TENM3: variants seen among roughly 807,000 people sequenced by gnomAD.
The protein encoded by TENM3 is teneurin-3.
Under a neutral mutation model 255.1 loss-of-function variants are expected in TENM3, and 63 were observed. The ratio of observed to expected loss-of-function variants is 0.25; its 90% CI spans 0.20 to 0.30. The LOEUF is 0.30. Ranked by LOEUF, TENM3 falls within the 10% of genes least tolerant of loss-of-function variation. The pLI is 1.00. For synonymous variants in TENM3, 1,306 were observed against 1,322.3 expected (o/e 0.99, Z 0.27); for missense variants, 2,929 against 3,461.1 (o/e 0.85, Z 3.86).
the TENM3 span, among the ~76,000 whole-genome samples, chr4:181,958,561 T>C: frequency 6.6e-6 from 1 of 152,210 alleles, no homozygotes; most frequent in Admixed American, 6.5e-5. Flanking sequence ...TGTTTGAAGC[T>C]GGGCATGTTG....
At chr4:182,696,301 C>G (rs144007785) in intron 12 of TENM3, among the ~76,000 whole-genome samples, 2 of 152,154 alleles carry the variant, frequency 1.3e-5, no homozygotes, top group Non-Finnish European at 1.5e-5. Context: ...AATATAGACT[C>G]AATTATCTCT....
At chr4:182,523,344 T>G (rs990193484) in intron 3 of TENM3, among the ~76,000 whole-genome samples, 1 of 152,136 alleles carries the variant, frequency 6.6e-6, no homozygotes, top group Non-Finnish European at 1.5e-5. Flanking sequence ...ACTCACTGTT[T>G]CTCCTTTCTG....
the TENM3 span, among the ~76,000 whole-genome samples, chr4:182,009,351 G>A: frequency 2.0e-5 from 3 of 152,140 alleles, no homozygotes; most frequent in African/African-American, 4.8e-5. Flanking sequence ...CTGGTATGCA[G>A]AGACTGCTGC....
the TENM3 span, among the ~76,000 whole-genome samples, chr4:181,714,266 T>A: frequency 6.6e-6 from 1 of 151,826 alleles, no homozygotes; most frequent in Admixed American, 6.6e-5. Flanking sequence ...TAGGACCTCA[T>A]ATGTACAAAG....
intron 1 of TENM3, among the ~76,000 whole-genome samples, chr4:182,230,448 C>T (rs537461703): frequency 2.0e-5 from 3 of 152,164 alleles, no homozygotes; most frequent in Non-Finnish European, 2.9e-5. Flanking sequence ...TGAACCCTGG[C>T]GAACCTCTTG....
the TENM3 span, among the ~76,000 whole-genome samples, chr4:181,463,985 A>C: frequency 1.3e-5 from 2 of 151,730 alleles, no homozygotes; most frequent in Non-Finnish European, 2.9e-5. Context: ...AGTACTTTTT[A>C]CTCCTTTTAT....
chr4:181,609,365 C>T, the TENM3 span, among the ~76,000 whole-genome samples: 5 of 152,226 alleles, frequency 3.3e-5, no homozygotes, highest in African/African-American at 1.2e-4. Context: ...TTTTCCACAT[C>T]ACTCTGTAAG....
Position 182,384,941 on chromosome 4 carries a change from C to CA in TENM3, c.511+38013dup, listed in dbSNP as rs572999727. Among the ~76,000 whole-genome samples the CA allele has an allele frequency of 2.8e-3, 423 of 152,240 alleles. 4 individuals carry two copies. Among genetic ancestry groups the CA allele is most frequent in the African/African-American group, 9.9e-3 (413 of 41,560 alleles). ...AACAGTTTTACAGATTTTCTACTGA[C>CA]AGAGTTAGCAGTCTGGCCTCAGTGC... is the stretch of plus-strand genomic sequence containing the variant. On this transcript the variant is annotated intron_variant, in intron 3 of 27. Coordinates refer to ENST00000511685, the MANE Select transcript of TENM3 (RefSeq NM_001080477.4).
chr4:182,566,100 C>G (rs1743767263), intron 3 of TENM3, among the ~76,000 whole-genome samples: 2 of 152,180 alleles, frequency 1.3e-5, no homozygotes, highest in Admixed American at 1.3e-4. Flanking sequence ...AGAACCTCTG[C>G]TACCAATTAT....
chr4:181,638,454 A>G, the TENM3 span, among the ~76,000 whole-genome samples: 303 of 152,344 alleles, frequency 2.0e-3, no homozygotes, highest in Non-Finnish European at 2.5e-3. Context: ...TATAAAAATT[A>G]TTAATGTCAA....
chr4:182,235,205 T>A (rs894009172), intron 1 of TENM3, among the ~76,000 whole-genome samples: 1 of 152,334 alleles, frequency 6.6e-6, no homozygotes, highest in Middle Eastern at 3.4e-3. Context: ...GTGCTTCTTA[T>A]AGCTCTGAAA....
chr4:182,355,205 G>A (rs1049238504), intron 3 of TENM3, among the ~76,000 whole-genome samples: 5 of 152,244 alleles, frequency 3.3e-5, no homozygotes, highest in Middle Eastern at 3.4e-3. Context: ...GGAGAAATTC[G>A]AGATTTAGAC....
At chr4:182,541,428 C>A (rs1740868329) in intron 3 of TENM3, among the ~76,000 whole-genome samples, 1 of 152,142 alleles carries the variant, frequency 6.6e-6, no homozygotes, top group African/African-American at 2.4e-5. Flanking sequence ...TTCAAAAACA[C>A]AATCATCCAA....
At chr4:182,657,905 C>T (rs1279229148) in intron 6 of TENM3, among the ~76,000 whole-genome samples, 1 of 152,248 alleles carries the variant, frequency 6.6e-6, no homozygotes, top group African/African-American at 2.4e-5. Context: ...ATCCTCCTGC[C>T]TCAGCCTCCC....
At chr4:181,694,746 C>A in the TENM3 span, among the ~76,000 whole-genome samples, 1 of 152,200 alleles carries the variant, frequency 6.6e-6, no homozygotes, top group African/African-American at 2.4e-5. Flanking sequence ...TTTGCGTTAA[C>A]AACAACCAAT....
At chr4:182,066,889 C>G in the TENM3 span, among the ~76,000 whole-genome samples, 2 of 152,148 alleles carry the variant, frequency 1.3e-5, no homozygotes, top group East Asian at 1.9e-4. Flanking sequence ...CCAGCCTGGG[C>G]GACAGAGCGA....
chr4:182,690,578 G>A (rs560823349), intron 12 of TENM3, among the ~76,000 whole-genome samples: 241 of 152,286 alleles, frequency 1.6e-3, no homozygotes, highest in African/African-American at 5.6e-3. Context: ...GAAAAGTTAT[G>A]ATCTGACTGT....
At chr4:182,221,277 G>A (rs1270583163) in intron 1 of TENM3, among the ~76,000 whole-genome samples, 2 of 152,208 alleles carry the variant, frequency 1.3e-5, no homozygotes, top group Non-Finnish European at 1.5e-5. Flanking sequence ...AGAGAATCAG[G>A]TGAGTAATAT....
At chr4:182,432,849 G>GGGGTGTGTGTGTGTGT (rs747628733) in intron 3 of TENM3, among the ~76,000 whole-genome samples, 1 of 142,976 alleles carries the variant, frequency 7.0e-6, no homozygotes, top group African/African-American at 2.6e-5. Flanking sequence ...AATGGATTTG[G>GGGGTGTGTGTGTGTGT]GTGTGTGTGT....
Sources: allele counts gnomAD v4.1 joint callset (sites outside exome capture counted in the v4.1 genomes callset), GRCh38; gene constraint gnomAD v4.1.1; transcripts MANE v1.5; gene names NCBI Gene and HGNC (gene_info 2026-07-23, HGNC 2026-07-21).